SVIL: variants seen among roughly 807,000 people sequenced by gnomAD.
SVIL encodes the protein archvillin.
In SVIL, 101 loss-of-function variants were observed where a neutral mutation model predicts 240.4. The observed-to-expected ratio is 0.42, with a 90% CI of 0.36 to 0.50. The LOEUF is 0.50. Ranked by LOEUF, SVIL falls within the 20% of genes least tolerant of loss-of-function variation. SVIL has a pLI of 0.01. For missense variants in SVIL, 2,512 were observed against 2,818.7 expected, an observed-to-expected ratio of 0.89 and a Z score of 2.46; for synonymous variants, 999 against 1,100.0, an observed-to-expected ratio of 0.91 and a Z score of 1.82.
At position 29,488,764 on chromosome 10, in the gene SVIL, C is replaced by T. The variant is rs576095477; in HGVS notation, c.4193-8G>A. ...AGTTGGAGTTGGAAGACACTGGGCA[C>T]GTTGAATAAGGAAACACAACGCAGG... On this transcript the variant is annotated splice_region_variant and splice_polypyrimidine_tract_variant and intron_variant, in intron 22 of 37. Transcript: ENST00000355867. The T allele has an allele frequency of 4.3e-6, 7 of 1,609,426 alleles. No individual in the cohort carries two copies. In the South Asian group the frequency reaches 4.4e-5, roughly 10 times the overall value.
chr10:29,566,832 C>T (rs1955009663), intron 2 of SVIL, among the ~76,000 whole-genome samples: 1 of 152,102 alleles, frequency 6.6e-6, no homozygotes. Context: ...TGGATCCTGC[C>T]CTTCCTCCTC....
intron 32 of SVIL, among the ~76,000 whole-genome samples, 161 bp from the exon 33 acceptor site, chr10:29,468,036 TCA>T (rs990856919): frequency 2.0e-4 from 30 of 152,212 alleles, no homozygotes; most frequent in African/African-American, 7.0e-4. Flanking sequence ...TTCAGTTTAT[TCA>T]CAGAGTTGTG....
At chr10:29,636,760 C>A (rs942811595), upstream of SVIL, among the ~76,000 whole-genome samples, 3 of 152,150 alleles carry the variant, frequency 2.0e-5, no homozygotes, top group Admixed American at 6.5e-5. Flanking sequence ...TACAGATTAA[C>A]AAAATTCCTA....
intron 29 of SVIL, among the ~76,000 whole-genome samples, chr10:29,479,992 C>T (rs1342191600): frequency 1.3e-5 from 2 of 152,166 alleles, no homozygotes; most frequent in African/African-American, 4.8e-5. Flanking sequence ...CCATCAGGAA[C>T]CGAGGAGAGT....
At chr10:29,730,375 T>C (rs1218009109) in intron 1 of SVIL, among the ~76,000 whole-genome samples, 3 of 152,120 alleles carry the variant, frequency 2.0e-5, no homozygotes, top group Admixed American at 2.0e-4. Context: ...AGTTGACCCT[T>C]CCAGTCAGAG....
intron 2 of SVIL, among the ~76,000 whole-genome samples, chr10:29,566,261 T>C (rs780290855): frequency 1.8e-4 from 28 of 152,208 alleles, no homozygotes; most frequent in Admixed American, 1.3e-4. Flanking sequence ...ACTGGCATAA[T>C]TGCACGTGTT....
chr10:29,506,862 G>A (rs1299097665), intron 17 of SVIL, among the ~76,000 whole-genome samples: 2 of 151,952 alleles, frequency 1.3e-5, no homozygotes, highest in African/African-American at 4.8e-5. Context: ...GAGGCCCTAG[G>A]AGGGAAGTGA....
intron 2 of SVIL, among the ~76,000 whole-genome samples, chr10:29,676,302 G>C (rs1294086979): frequency 1.3e-5 from 2 of 151,932 alleles, no homozygotes; most frequent in African/African-American, 4.8e-5. Flanking sequence ...CTGGTGTTTT[G>C]GTAACATTAC....
chr10:29,499,252 T>G lies in SVIL; in HGVS notation c.3528A>C (p.Glu1176Asp). The change falls in exon 18 of 38, where the codon GAA (glutamate) becomes GAC (aspartate). Residue 1176 changes from glutamate (E) to aspartate (D), a missense_variant. Physicochemically the swap from Glu to Asp is conservative, Grantham distance 45. Coordinates refer to ENST00000355867, the MANE Select transcript of SVIL (RefSeq NM_021738.3). ...GRSLIKKRVT[E>D]SRESQMTIEE... ...CAATCGTCATTTGGCTCTCTCGACT[T>G]TCTGTGACCCGCTGTTCATAAATGT... 6.2e-7 allele frequency: 1 copy of G among 1,614,240 alleles called. No homozygotes were observed. The highest frequency in any genetic ancestry group is 1.1e-5 in the South Asian group (1 of 91,086).
At chr10:29,601,551 G>A (rs564781102) in intron 1 of SVIL, among the ~76,000 whole-genome samples, 183 of 152,314 alleles carry the variant, frequency 1.2e-3, no homozygotes, top group African/African-American at 4.3e-3. Context: ...TGCCATAGGC[G>A]CATTTCAGGA....
chr10:29,702,052 G>A (rs894051967), intron 1 of SVIL, among the ~76,000 whole-genome samples: 2 of 151,474 alleles, frequency 1.3e-5, no homozygotes, highest in African/African-American at 4.8e-5. Context: ...GCAGGTGCCT[G>A]TAATCCCAGG....
chr10:29,676,588 C>CA (rs1960223444), intron 2 of SVIL, among the ~76,000 whole-genome samples: 1 of 152,036 alleles, frequency 6.6e-6, no homozygotes, highest in South Asian at 2.1e-4. Flanking sequence ...AAGGTAAGTA[C>CA]AAAAAAATCC....
At chr10:29,577,131 G>A (rs565095388) in intron 1 of SVIL, among the ~76,000 whole-genome samples, 46 of 152,190 alleles carry the variant, frequency 3.0e-4, no homozygotes, top group African/African-American at 5.8e-4. Flanking sequence ...CACCTGCCTC[G>A]GTTTCCCAAA....
chr10:29,525,707 C>A (rs903446821), intron 13 of SVIL, among the ~76,000 whole-genome samples: 3 of 152,194 alleles, frequency 2.0e-5, no homozygotes, highest in Admixed American at 1.3e-4. Context: ...ATATGAATCT[C>A]TAGGGGTTTG....
At chr10:29,729,525 G>C (rs1964487820) in intron 1 of SVIL, among the ~76,000 whole-genome samples, 1 of 149,760 alleles carries the variant, frequency 6.7e-6, no homozygotes, top group South Asian at 2.1e-4. Context: ...GCAAGACAGA[G>C]GGATGTATGT....
intron 17 of SVIL, chr10:29,508,135 T>A (rs1024901200): frequency 3.3e-5 from 10 of 306,676 alleles, no homozygotes; most frequent in Non-Finnish European, 5.8e-5. Context: ...AAATATCATC[T>A]TCTTTAAAGT....
At position 29,488,701 on chromosome 10, in the gene SVIL, T is replaced by G; in HGVS notation, c.4248A>C (p.Glu1416Asp). The change falls in exon 23 of 38, where the codon GAA becomes GAC. Residue 1416 changes from glutamate (E) to aspartate (D), a missense_variant. This residue lies in a region of SVIL where 272 missense variants were observed against 406.8 expected (regional missense o/e 0.67). Coordinates refer to ENST00000355867, the MANE Select transcript of SVIL (RefSeq NM_021738.3). ...EVTLAGLASK[E>D]NFSNVSLRSV... ...TCCGCAGGCTGACGTTGCTGAAGTT[T>G]TCTTTACTGGCTAAACCCGCCAGGG... The G allele has an allele frequency of 8.7e-6, 14 of 1,613,092 alleles. No individual in the cohort carries two copies. The highest frequency in any genetic ancestry group is 1.1e-5 in the Non-Finnish European group (13 of 1,179,648).
intron 12 of SVIL, 58 bp downstream of exon 12, chr10:29,529,647 T>C (rs2132555179): frequency 2.6e-6 from 4 of 1,521,952 alleles, no homozygotes; most frequent in Non-Finnish European, 3.5e-6. Context: ...ACTCTTTAAA[T>C]GTATTTTTTT....
At position 29,539,594 on chromosome 10, in the gene SVIL, C is replaced by T. The variant is rs117002274; in HGVS notation, c.828-3525G>A. Among the ~76,000 whole-genome samples the T allele has an allele frequency of 1.5e-3, 226 of 152,276 alleles. 2 individuals are homozygous for T. The highest frequency in any genetic ancestry group is 2.5e-3 in the Non-Finnish European group (173 of 68,008). On this transcript the variant is annotated intron_variant, in intron 6 of 37. Transcript: ENST00000355867. ...CCAACAGTGAACACGCTGTCCTGGG[C>T]GCTGTGTAGCAATGATCTCACAGAA...
Sources: gnomAD v4.1 joint callset for allele counts (sites outside exome capture counted in the v4.1 genomes callset) on GRCh38, gnomAD v4.1.1 for gene constraint, gnomAD v4.1.1 regional missense constraint, MANE v1.5 for transcripts, NCBI Gene and HGNC (gene_info 2026-07-23, HGNC 2026-07-21) for gene names.